Variants in AKNAD1 observed in about 807,000 individuals in gnomAD.
The protein encoded by AKNAD1 is AKNA domain containing 1.
A neutral mutation model predicts 90.8 loss-of-function variants in AKNAD1; 67 were observed. The observed-to-expected ratio is 0.74, with a 90% CI of 0.61 to 0.90. The LOEUF (loss-of-function observed/expected upper bound fraction) is 0.90. Ranked by LOEUF, AKNAD1 falls within the 40% of genes least tolerant of loss-of-function variation. AKNAD1 has a pLI of 0.00. For missense variants in AKNAD1, 957 were observed against 975.4 expected, an observed-to-expected ratio of 0.98 and a Z score of 0.25; for synonymous variants, 327 against 341.4, an observed-to-expected ratio of 0.96 and a Z score of 0.46.
intron 10 of AKNAD1, among the ~76,000 whole-genome samples, chr1:108,830,012 AGGAATG>A (rs1664134601): frequency 6.6e-6 from 1 of 152,234 alleles, no homozygotes; most frequent in Non-Finnish European, 1.5e-5. Context: ...TTTCGTCCTT[AGGAATG>A]GGAAGAAATC....
chr1:108,819,947 ATTGGC>A (rs1191470980), intron 14 of AKNAD1, among the ~76,000 whole-genome samples: 20 of 149,736 alleles, frequency 1.3e-4, no homozygotes, highest in African/African-American at 4.7e-4. Flanking sequence ...AAATACCCTA[ATTGGC>A]TTCCTCTTGC....
Position 108,823,327 on chromosome 1 carries a change from T to C in AKNAD1, c.2167+43A>G, listed in dbSNP as rs200569582. Reference sequence around the variant, plus strand: ...TGTGAATGTCCCATACCTGGGACATTAGGTTGTTGATATGGATGGGGTCAT... The same window carrying C: ...TGTGAATGTCCCATACCTGGGACATCAGGTTGTTGATATGGATGGGGTCAT... On this transcript the variant is annotated intron_variant, in intron 13 of 15. Coordinates refer to ENST00000370001, the MANE Select transcript of AKNAD1 (RefSeq NM_152763.5). 1.5e-4 allele frequency: 212 copies of C among 1,417,956 alleles called. No individual in the cohort carries two copies. The African/African-American group carries it at 2.7e-3, about 18-fold the overall frequency. 87.8% of individuals were successfully genotyped at this position (1,417,956 alleles called of 1,614,324 possible).
upstream of AKNAD1, among the ~76,000 whole-genome samples, chr1:108,857,744 C>A (rs1378043283): frequency 6.6e-6 from 1 of 152,202 alleles, no homozygotes; most frequent in African/African-American, 2.4e-5. Flanking sequence ...ACCTTATCTG[C>A]CCCTCCACTA....
At chr1:108,834,875 A>G (rs1664329540) in intron 8 of AKNAD1, 54 bp downstream of exon 8, 1 of 1,495,638 alleles carries the variant, frequency 6.7e-7, no homozygotes, top group Non-Finnish European at 8.9e-7. Flanking sequence ...CTGCATGAGG[A>G]AGGGGCCTCT....
At chr1:108,850,354 C>T (rs1482456294) in intron 2 of AKNAD1, among the ~76,000 whole-genome samples, 1 of 152,156 alleles carries the variant, frequency 6.6e-6, no homozygotes, top group Non-Finnish European at 1.5e-5. Flanking sequence ...TGACCTCGAA[C>T]CCCCATACCA....
At chr1:108,817,497 ATTTTTTTTTTT>A (rs10681740) in intron 14 of AKNAD1, 2 of 60,336 alleles carry the variant, frequency 3.3e-5, no homozygotes, top group African/African-American at 1.4e-4. Context: ...TTTTTTTTTA[ATTTTTTTTTTT>A]TTTTTTTTTT....
rs559347808 is a variant in AKNAD1, at chr1:108,825,999, C to T, written c.1936+1206G>A. 1.3e-4 allele frequency among the ~76,000 whole-genome samples: 19 copies of T among 151,800 alleles called. 1 individual carries two copies. The South Asian group carries it at 4.0e-3, about 32-fold the overall frequency. ...CTCCATCAGTTGCCTGTAATACTAGCGTTGCACAGCTATATGGCTGGTAAA... is the reference window on the plus strand; with the variant it reads ...CTCCATCAGTTGCCTGTAATACTAGTGTTGCACAGCTATATGGCTGGTAAA... On this transcript the variant is annotated intron_variant, in intron 11 of 15. Transcript: ENST00000370001.
At chr1:108,831,645 CTT>C (rs869205220) in intron 9 of AKNAD1, among the ~76,000 whole-genome samples, 29 of 141,134 alleles carry the variant, frequency 2.1e-4, no homozygotes, top group Non-Finnish European at 2.3e-4. Context: ...CTACCTGTGA[CTT>C]TTTTTTTTTT....
In AKNAD1 at chr1:108,834,999, CCTCA is replaced by C; in HGVS notation, c.1590_1593del (p.Ser530ArgfsTer2). On this transcript the variant is annotated frameshift_variant, in exon 8 of 16. Transcript: ENST00000370001. LOFTEE classifies it high-confidence loss of function. Reference sequence around the variant, plus strand: ...GGCCCTCCTTGGGGTGTCCCTGTTACCTCACTCCCACCTGAGCCTCGAGGCCCAG... The same window carrying C: ...GGCCCTCCTTGGGGTGTCCCTGTTACCTCCCACCTGAGCCTCGAGGCCCAG... 6.4e-7 allele frequency: 1 copy of C among 1,566,744 alleles called. No individual in the cohort carries two copies. The highest frequency in any genetic ancestry group is 8.6e-7 in the Non-Finnish European group (1 of 1,163,942).
intron 6 of AKNAD1, among the ~76,000 whole-genome samples, chr1:108,841,074 A>G (rs1011943502): frequency 6.6e-6 from 1 of 152,016 alleles, no homozygotes; most frequent in Non-Finnish European, 1.5e-5. Flanking sequence ...TCTGGAGGCT[A>G]AGGCAGGAGA....
rs143487473 is a variant in AKNAD1, at chr1:108,834,934, C to T, written c.1659G>A (p.Pro553=). Residue 553 remains proline (P), a synonymous_variant, in exon 8 of 16, where the codon CCG becomes CCA. Transcript: ENST00000370001. ...GCTCCAGGGCTAGGACTCACGTCTG[C>T]GGGGCCAGCTCACAGAGCTCCTCGT... is the stretch of plus-strand genomic sequence containing the variant. The part of the protein sequence containing the change: ...APNEELCELA[P]QTYLNGHYGD... The T allele has an allele frequency of 4.7e-5, 72 of 1,534,504 alleles. No individual in the cohort carries two copies. The African/African-American group carries it at 6.0e-4, about 13-fold the overall frequency.
chr1:108,849,111 G>C, intron 3 of AKNAD1, 51 bp from the exon 4 acceptor site: 1 of 1,459,212 alleles, frequency 6.9e-7, no homozygotes, highest in Non-Finnish European at 9.1e-7. Flanking sequence ...ACTTATCACA[G>C]TTTTATTAAG....
Position 108,823,639 on chromosome 1 carries a change from C to T in AKNAD1, c.1986G>A (p.Gln662=). The change falls in exon 12 of 16, where the codon CAG becomes CAA. Residue 662 remains glutamine, a synonymous_variant. Transcript: ENST00000370001. ...TGCCACAGTCCTGACATTTGTTACTCTGCATTTCAGTGCCAGAATCAGAAC... is the reference window on the plus strand; with the variant it reads ...TGCCACAGTCCTGACATTTGTTACTTTGCATTTCAGTGCCAGAATCAGAAC... ...SFCSDSGTEM[Q]SNKCQDCGTK... is the part of the protein sequence containing the mutation. 6.2e-7 allele frequency: 1 copy of T among 1,614,152 alleles called. No individual in the cohort carries two copies. The highest frequency in any genetic ancestry group is 1.7e-5 in the Admixed American group (1 of 60,016).
At chr1:108,823,053 G>A (rs902430483) in intron 13 of AKNAD1, 4 of 634,228 alleles carry the variant, frequency 6.3e-6, no homozygotes, top group Non-Finnish European at 1.1e-5. Flanking sequence ...AACAATAATA[G>A]TAGTGATTAT....
At position 108,852,578 on chromosome 1, in the gene AKNAD1, G is replaced by A. The variant is rs764522811; in HGVS notation, c.87C>T (p.Gly29=). The change falls in exon 2 of 16, where the codon GGC becomes GGT. Residue 29 remains glycine (G), a synonymous_variant. Coordinates refer to ENST00000370001, the MANE Select transcript of AKNAD1 (RefSeq NM_152763.5). ...YDGDLSQIKI[G]NDYSFTSKKD... ...TTTTTGAGGTAAAACTGTAATCATTGCCTATCTTAATCTGAGAGAGGTCCC... is the reference window on the plus strand; with the variant it reads ...TTTTTGAGGTAAAACTGTAATCATTACCTATCTTAATCTGAGAGAGGTCCC... 5 of 1,613,520 alleles carry A rather than the reference G, an allele frequency of 3.1e-6. No individual in the cohort carries two copies. Among genetic ancestry groups the A allele is most frequent in the Non-Finnish European group, 4.2e-6 (5 of 1,179,818 alleles).
rs1553205088 is a variant in AKNAD1, at chr1:108,853,136, C to CTTTTTCT, written c.-103-370_-103-369insAGAAAAA. 3.6e-3 allele frequency among the ~76,000 whole-genome samples: 484 copies of CTTTTTCT among 133,540 alleles called. 10 individuals are homozygous for CTTTTTCT. The highest frequency in any genetic ancestry group is 0.013 in the African/African-American group (448 of 34,788). 87.6% of individuals were successfully genotyped at this position (133,540 alleles called of 152,430 possible). A position where few individuals can be genotyped will look rare whatever the true frequency, so the allele number is the denominator to read the frequency against. On this transcript the variant is annotated intron_variant, in intron 1 of 15. Transcript: ENST00000370001. Reference sequence around the variant, plus strand: ...AAAGGATTGATTTTTTTTCTTTTTTCTTTTTTTTTTTTTGAGACGGAGTCT... The same window carrying CTTTTTCT: ...AAAGGATTGATTTTTTTTCTTTTTTCTTTTTCTTTTTTTTTTTTTTGAGACGGAGTCT...
chr1:108,827,813 C>CAAA (rs11369356), intron 10 of AKNAD1, among the ~76,000 whole-genome samples: 5,347 of 114,784 alleles, frequency 0.047, 216 homozygotes, highest in African/African-American at 0.077. Context: ...GACTCCTACT[C>CAAA]AAAAAAAAAA....
At chr1:108,829,752 T>C (rs938923529) in intron 10 of AKNAD1, among the ~76,000 whole-genome samples, 2 of 152,164 alleles carry the variant, frequency 1.3e-5, no homozygotes, top group Non-Finnish European at 2.9e-5. Flanking sequence ...TAGAATCCAT[T>C]ACGTACATAT....
intron 10 of AKNAD1, among the ~76,000 whole-genome samples, chr1:108,828,394 C>T (rs977695971): frequency 2.6e-5 from 4 of 151,780 alleles, no homozygotes; most frequent in South Asian, 4.2e-4. Flanking sequence ...ATCCCAACTC[C>T]TCCAAAGGAA....
Sources: allele counts gnomAD v4.1 joint callset (sites outside exome capture counted in the v4.1 genomes callset), GRCh38; gene constraint gnomAD v4.1.1; transcripts MANE v1.5; gene names NCBI Gene and HGNC (gene_info 2026-07-23, HGNC 2026-07-21).